Variants in CNTN2 observed in about 807,000 individuals in gnomAD.
The protein encoded by CNTN2 is contactin 2, also known as contactin-2.
Under a neutral mutation model 117.5 loss-of-function variants are expected in CNTN2, and 53 were observed. The observed-to-expected ratio is 0.45, with a 90% CI of 0.36 to 0.57. CNTN2 has a LOEUF of 0.57. Among genes scored for constraint, CNTN2 ranks in the 20% least tolerant of loss-of-function variants. The probability of loss-of-function intolerance (pLI) is 0.00; values close to 1 mark genes in which losing one functional copy is unlikely to be tolerated. For synonymous variants in CNTN2, 530 were observed against 561.7 expected (o/e 0.94, Z 0.80); for missense variants, 1,106 against 1,404.3 (o/e 0.79, Z 3.39).
In CNTN2 at chr1:205,065,057, T is replaced by A. The variant is rs765772022; in HGVS notation, c.1520-30T>A. ...CGGCCTGGGCCCATTTCCTCCCCCA[T>A]CCACCCAAGGGCCTTGTTTTTCTTG... On this transcript the variant is annotated intron_variant, in intron 12 of 22. Coordinates refer to ENST00000331830, the MANE Select transcript of CNTN2 (RefSeq NM_005076.5). This position sits in a 1 kb window ranked among gnomAD's most constrained non-coding sequence, Gnocchi z 4.1. 1.9e-6 allele frequency: 3 copies of A among 1,610,696 alleles called. No homozygotes were observed. In the East Asian group the frequency reaches 6.7e-5, roughly 36 times the overall value.
chr1:205,051,758 T>C (rs374132068), intron 1 of CNTN2, among the ~76,000 whole-genome samples: 1 of 151,916 alleles, frequency 6.6e-6, no homozygotes, highest in East Asian at 1.9e-4. Flanking sequence ...CAGGAAAAGG[T>C]TGTGGAGTGG....
At chr1:205,044,184 G>T (rs1415270465) in intron 1 of CNTN2, among the ~76,000 whole-genome samples, 1 of 152,178 alleles carries the variant, frequency 6.6e-6, no homozygotes, top group African/African-American at 2.4e-5. Context: ...GTATGGGGAA[G>T]GGAAGGGGCA....
chr1:205,062,164 TC>T, intron 9 of CNTN2, 163 bp downstream of exon 9: 1 of 926,926 alleles, frequency 1.1e-6, no homozygotes, highest in Non-Finnish European at 1.6e-6. Flanking sequence ...CCCATCCCAG[TC>T]CCATTGTCAC....
intron 21 of CNTN2, 135 bp from the exon 22 acceptor site, chr1:205,072,933 T>A: frequency 1.1e-6 from 1 of 905,026 alleles, no homozygotes; most frequent in Non-Finnish European, 1.7e-6. Flanking sequence ...GCTTTGTCAA[T>A]GGGGAGGAGG....
chr1:205,056,767 C>A (rs1275597154), intron 2 of CNTN2, among the ~76,000 whole-genome samples: 1 of 152,170 alleles, frequency 6.6e-6, no homozygotes, highest in Non-Finnish European at 1.5e-5. Flanking sequence ...AGAGCCCACC[C>A]CAGCCCTGTC....
intron 9 of CNTN2, 115 bp from the exon 10 acceptor site, chr1:205,062,325 C>T (rs1654033595): frequency 7.3e-7 from 1 of 1,373,416 alleles, no homozygotes; most frequent in Non-Finnish European, 9.9e-7. Flanking sequence ...ACATATAAGC[C>T]ATATCCTCTA....
intron 10 of CNTN2, 87 bp from the exon 11 acceptor site, chr1:205,064,235 C>T (rs1389919902): frequency 7.0e-7 from 1 of 1,422,162 alleles, no homozygotes; most frequent in Non-Finnish European, 9.5e-7. Flanking sequence ...AGGAGTCACT[C>T]ATGGCGTGGC....
At position 205,061,861 on chromosome 1, in the gene CNTN2, A is replaced by G. The variant is rs1653998862; in HGVS notation, c.974-4A>G. On this transcript the variant is annotated splice_polypyrimidine_tract_variant and splice_region_variant and intron_variant, in intron 8 of 22. Coordinates refer to ENST00000331830, the MANE Select transcript of CNTN2 (RefSeq NM_005076.5). This position sits in a 1 kb window ranked among gnomAD's most constrained non-coding sequence, Gnocchi z 4.8. Reference sequence around the variant, plus strand: ...GCCAGGTTTTCTTTTCCGGGCTCCCACAGCTCAGCCTGAGTGGCTAAAAGT... The same window carrying G: ...GCCAGGTTTTCTTTTCCGGGCTCCCGCAGCTCAGCCTGAGTGGCTAAAAGT... The G allele has an allele frequency of 6.6e-7, 1 of 1,513,454 alleles. No homozygotes were observed. The allele number at this position is 1,513,454 out of a possible 1,614,324, so 93.8% of individuals were successfully genotyped here. A position where few individuals can be genotyped will look rare whatever the true frequency, so the allele number is the denominator to read the frequency against.
At position 205,076,558 on chromosome 1, in the gene CNTN2, A is replaced by G. The variant is rs1374734990; in HGVS notation, c.*2793A>G. On this transcript the variant is annotated 3_prime_UTR_variant, in exon 23 of 23. Coordinates refer to ENST00000331830, the MANE Select transcript of CNTN2 (RefSeq NM_005076.5). ...ACATCAAGCCCCAGAGGAGGCGGCA[A>G]GAGGAACAGCCACAAACAAGTACTT... The G allele has an allele frequency of 6.6e-6, 1 of 152,202 alleles. No individual in the cohort carries two copies. The highest frequency in any genetic ancestry group is 1.5e-5 in the Non-Finnish European group (1 of 68,044). The allele number at this position is 152,202 out of a possible 1,614,324, so 9.4% of individuals were successfully genotyped here.
At chr1:205,072,894 G>A (rs1283583159) in intron 21 of CNTN2, 174 bp from the exon 22 acceptor site, 1 of 700,506 alleles carries the variant, frequency 1.4e-6, no homozygotes, top group Admixed American at 2.9e-5. Flanking sequence ...CAGTTCAGTG[G>A]CCTGCAAGCT....
chr1:205,059,271 T>C lies in CNTN2; in HGVS notation c.675T>C (p.Ala225=). ...CCAAGAGCGTCTTCAGCAAGTTTGCTCAGCTCAACCTGGCTGCTGAAGGTC... is the reference window on the plus strand; with the variant it reads ...CCAAGAGCGTCTTCAGCAAGTTTGCCCAGCTCAACCTGGCTGCTGAAGGTC... ...FSTKSVFSKF[A]QLNLAAEDTR... Residue 225 remains alanine (A), a synonymous_variant, in exon 6 of 23, where the codon GCT becomes GCC. Transcript: ENST00000331830. This position sits in a 1 kb window ranked among gnomAD's most constrained non-coding sequence, Gnocchi z 5.6. The C allele has an allele frequency of 2.5e-6, 4 of 1,613,970 alleles. No individual in the cohort carries two copies. Among genetic ancestry groups the C allele is most frequent in the South Asian group, 1.1e-5 (1 of 91,024 alleles).
Position 205,061,471 on chromosome 1 carries a change from T to G in CNTN2, c.973+51T>G. On this transcript the variant is annotated intron_variant, in intron 8 of 22. Coordinates refer to ENST00000331830, the MANE Select transcript of CNTN2 (RefSeq NM_005076.5). This position sits in a 1 kb window ranked among gnomAD's most constrained non-coding sequence, Gnocchi z 4.8. The stretch of plus-strand genomic sequence containing the variant: ...GCCCCTCCCGACCCCCCTTCCCGCC[T>G]TCACCCTTGTCCCCAAGGAAACAGA... 2.7e-6 allele frequency: 4 copies of G among 1,502,408 alleles called. No individual in the cohort carries two copies. In the African/African-American group the frequency reaches 4.1e-5, roughly 16 times the overall value. The allele number at this position is 1,502,408 out of a possible 1,614,324, so 93.1% of individuals were successfully genotyped here.
chr1:205,059,552 G>A lies in CNTN2; in HGVS notation c.698-31G>A. Reference sequence around the variant, plus strand: ...GGGAGCACCTGACCTGGAGTCATCTGCATCTGATTTGTAAAACCCTCTCTC... The same window carrying A: ...GGGAGCACCTGACCTGGAGTCATCTACATCTGATTTGTAAAACCCTCTCTC... On this transcript the variant is annotated intron_variant, in intron 6 of 22. Coordinates refer to ENST00000331830, the MANE Select transcript of CNTN2 (RefSeq NM_005076.5). The surrounding 1 kb of genome is among the most constrained non-coding windows in gnomAD (Gnocchi z 5.6). 1 of 1,601,426 alleles carries A rather than the reference G, an allele frequency of 6.2e-7. No individual in the cohort carries two copies. The highest frequency in any genetic ancestry group is 8.6e-7 in the Non-Finnish European group (1 of 1,168,526).
rs200105942 is a variant in CNTN2, at chr1:205,065,112, C to T, written c.1545C>T (p.Pro515=). 6.2e-7 allele frequency: 1 copy of T among 1,614,114 alleles called. No homozygotes were observed. The highest frequency in any genetic ancestry group is 8.5e-7 in the Non-Finnish European group (1 of 1,180,016). Residue 515 remains proline, a synonymous_variant, in exon 13 of 23, where the codon CCC becomes CCT. Transcript: ENST00000331830. The surrounding 1 kb of genome is among the most constrained non-coding windows in gnomAD (Gnocchi z 4.1). ...ATGCAACCAAAATCACTCTAGCCCC[C>T]TCAAGTGCCGACATCAACTTGGGTG... ...VRDATKITLA[P]SSADINLGDN... is the part of the protein sequence containing the mutation.
Position 205,048,017 on chromosome 1 carries a change from G to A in CNTN2, c.-87+4623G>A, listed in dbSNP as rs2096444677. Among the ~76,000 whole-genome samples the A allele has an allele frequency of 6.6e-6, 1 of 152,206 alleles. No homozygotes were observed. On this transcript the variant is annotated intron_variant, in intron 1 of 22. Transcript: ENST00000331830. This position sits in a 1 kb window ranked among gnomAD's most constrained non-coding sequence, Gnocchi z 4.1. ...GCAGGTTGACTCAATGGCCTGCCCTGTTAACCAGTGTGCTGTTTTATAGGA... is the reference window on the plus strand; with the variant it reads ...GCAGGTTGACTCAATGGCCTGCCCTATTAACCAGTGTGCTGTTTTATAGGA...
At position 205,070,013 on chromosome 1, in the gene CNTN2, G is replaced by A; in HGVS notation, c.2383G>A (p.Gly795Arg). 1.1e-5 allele frequency: 18 copies of A among 1,613,854 alleles called. No individual in the cohort carries two copies. The highest frequency in any genetic ancestry group is 1.5e-5 in the Non-Finnish European group (18 of 1,180,040). ...CAAGATCCGCAGCTACAACCGCCGC[G>A]GGGATGGGCCCGAGAGCCTCACTGC... is the stretch of plus-strand genomic sequence containing the variant. ...EVKIRSYNRR[G>R]DGPESLTALV... The change falls in exon 18 of 23, where the codon GGG becomes AGG. Residue 795 changes from glycine (G) to arginine (R), a missense_variant. Coordinates refer to ENST00000331830, the MANE Select transcript of CNTN2 (RefSeq NM_005076.5).
chr1:205,076,865 C>A lies in CNTN2; in HGVS notation c.*3100C>A. On this transcript the variant is annotated 3_prime_UTR_variant, in exon 23 of 23. Transcript: ENST00000331830. ...AGGGCAACAAATGATACAAATGGTG[C>A]CAGGGAGTGGCAAGGCCATGGGGGT... 6.6e-6 allele frequency: 1 copy of A among 152,312 alleles called. No individual in the cohort carries two copies. The highest frequency in any genetic ancestry group is 1.5e-5 in the Non-Finnish European group (1 of 68,124). 9.4% of individuals were successfully genotyped at this position (152,312 alleles called of 1,614,324 possible). A position where few individuals can be genotyped will look rare whatever the true frequency, so the allele number is the denominator to read the frequency against.
At chr1:205,068,917 T>G (rs996405109) in intron 16 of CNTN2, 1 of 152,254 alleles carries the variant, frequency 6.6e-6, no homozygotes, top group Non-Finnish European at 1.5e-5. Context: ...ATATCAGCCT[T>G]GTTTAATACT....
At chr1:205,054,686 C>G (rs1445702542) in intron 2 of CNTN2, among the ~76,000 whole-genome samples, 2 of 152,182 alleles carry the variant, frequency 1.3e-5, no homozygotes, top group Non-Finnish European at 2.9e-5. Context: ...TCCCAGAGCT[C>G]CAGAGAGAGA....
Sources: gnomAD v4.1 joint callset for allele counts (sites outside exome capture counted in the v4.1 genomes callset) on GRCh38, gnomAD v4.1.1 for gene constraint, Gnocchi (gnomAD v3.1) non-coding constraint, MANE v1.5 for transcripts, NCBI Gene and HGNC (gene_info 2026-07-23, HGNC 2026-07-21) for gene names.